The following DNAH17 variants were observed in gnomAD, a reference collection of about 807,000 sequenced individuals.
The protein encoded by DNAH17 is axonemal beta dynein heavy chain 17.
In DNAH17, 376 loss-of-function variants were observed where a neutral mutation model predicts 485.6. That is an observed-to-expected ratio of 0.77 (90% CI 0.71 to 0.84). DNAH17 has a LOEUF of 0.84. Among genes scored for constraint, DNAH17 ranks in the 40% least tolerant of loss-of-function variants. The pLI is 0.00. For synonymous variants in DNAH17, 3,031 were observed against 2,405.9 expected (o/e 1.26, Z -7.60); for missense variants, 6,370 against 5,839.3 (o/e 1.09, Z -2.96).
At chr17:78,476,393 C>A (rs575524989) in intron 52 of DNAH17, among the ~76,000 whole-genome samples, 179 bp downstream of exon 52, 2 of 151,682 alleles carry the variant, frequency 1.3e-5, no homozygotes, top group Non-Finnish European at 2.9e-5. Flanking sequence ...CCGGAGTTAT[C>A]GCGTGGAACC....
chr17:78,445,843 G>A (rs1050958466), intron 69 of DNAH17, among the ~76,000 whole-genome samples, 163 bp from the exon 70 acceptor site: 49 of 152,116 alleles, frequency 3.2e-4, no homozygotes, highest in Admixed American at 2.6e-4. Flanking sequence ...ACCTCGTCTC[G>A]CTTTTTAAGT....
chr17:78,439,600 G>C (rs1304986654), intron 72 of DNAH17, among the ~76,000 whole-genome samples: 1 of 151,732 alleles, frequency 6.6e-6, no homozygotes, highest in African/African-American at 2.4e-5. Context: ...CTTTGTGTCT[G>C]GCTTCTGTCA....
At chr17:78,485,496 CG>C in intron 47 of DNAH17, 53 bp downstream of exon 47, 1 of 1,508,244 alleles carries the variant, frequency 6.6e-7, no homozygotes, top group Admixed American at 2.0e-5. Flanking sequence ...CAGGAGGGAA[CG>C]GGGACTGGCG....
intron 75 of DNAH17, among the ~76,000 whole-genome samples, chr17:78,432,977 C>T (rs535872340): frequency 1.2e-4 from 18 of 151,502 alleles, no homozygotes; most frequent in African/African-American, 4.4e-4. Flanking sequence ...CCTCCAACCC[C>T]GAGGCCCCAC....
chr17:78,506,870 G>C (rs765873534), intron 29 of DNAH17, 24 bp from the exon 30 acceptor site: 9 of 1,613,742 alleles, frequency 5.6e-6, no homozygotes, highest in Non-Finnish European at 6.8e-6. Context: ...AGGAAGTAGA[G>C]GAGGCCGGTG....
chr17:78,526,915 C>G lies in DNAH17; in HGVS notation c.3589G>C (p.Val1197Leu), dbSNP rs574511195. ...LTVAPLQANE[V>L]SILRRKCQQF... ...TGGCATTTCCGCCGCAGGATGCTGACCTCGTTGGCCTGGAGTGGTGCCACG... is the reference window on the plus strand; with the variant it reads ...TGGCATTTCCGCCGCAGGATGCTGAGCTCGTTGGCCTGGAGTGGTGCCACG... The change falls in exon 23 of 81, where the codon GTC (valine) becomes CTC (leucine). Residue 1197 changes from valine to leucine, a missense_variant. By Grantham distance (32) the Val-to-Leu change is conservative. Coordinates refer to ENST00000389840, the MANE Select transcript of DNAH17 (RefSeq NM_173628.4). 3 of 1,583,348 alleles carry G rather than the reference C, an allele frequency of 1.9e-6. No homozygotes were observed. The highest frequency in any genetic ancestry group is 2.6e-6 in the Non-Finnish European group (3 of 1,164,482).
rs780216770 is a variant in DNAH17 at position 78,539,757 on chromosome 17, T to C, written c.2656A>G (p.Met886Val). The change falls in exon 18 of 81, where the codon ATG becomes GTG. Residue 886 changes from methionine (M) to valine (V), a missense_variant. Physicochemically the swap from Met to Val is conservative, Grantham distance 21. Coordinates refer to ENST00000389840, the MANE Select transcript of DNAH17 (RefSeq NM_173628.4). ...CTTACATCTATAACCATGTTGTCCA[T>C]TAGGAAACTCAGAGATTTGCGAATG... The part of the protein sequence containing the change: ...QFIRKSLSFL[M>V]DNMVIDESIA... 6 of 1,611,464 alleles carry C rather than the reference T, an allele frequency of 3.7e-6. No individual in the cohort carries two copies. Among genetic ancestry groups the C allele is most frequent in the South Asian group, 2.2e-5 (2 of 90,782 alleles).
Position 78,486,218 on chromosome 17 carries a change from C to A in DNAH17, c.7101+6G>T. The A allele has an allele frequency of 6.3e-7, 1 of 1,587,050 alleles. No homozygotes were observed. The highest frequency in any genetic ancestry group is 8.6e-7 in the Non-Finnish European group (1 of 1,164,648). ...TGTGGGTGGCCGGGCCCCCCAGGTG[C>A]ATCACCTGGTCCTGGAACATGGCGC... On this transcript the variant is annotated splice_donor_region_variant and intron_variant, in intron 45 of 80. Transcript: ENST00000389840.
At chr17:78,443,916 AG>A (rs2087171321) in intron 71 of DNAH17, among the ~76,000 whole-genome samples, 1 of 152,150 alleles carries the variant, frequency 6.6e-6, no homozygotes, top group African/African-American at 2.4e-5. Context: ...AGAAATGAAA[AG>A]GGGAGAAGCC....
chr17:78,444,089 T>C (rs1308744966), intron 71 of DNAH17, among the ~76,000 whole-genome samples: 1 of 152,186 alleles, frequency 6.6e-6, no homozygotes, highest in Non-Finnish European at 1.5e-5. Flanking sequence ...GCCATACTAA[T>C]ATACCTCGAT....
chr17:78,483,368 G>A lies in DNAH17; in HGVS notation c.7649+1500C>T, dbSNP rs1352689447. Among the ~76,000 whole-genome samples the A allele has an allele frequency of 5.3e-5, 8 of 152,312 alleles. No individual in the cohort carries two copies. In the East Asian group the frequency reaches 5.8e-4, roughly 11 times the overall value. On this transcript the variant is annotated intron_variant, in intron 48 of 80. Transcript: ENST00000389840. ...GTTCTGGCTGAGCGTGGTGGCTCAC[G>A]CCTGTAGTCCCAGCACTTTGGGAGC...
intron 17 of DNAH17, among the ~76,000 whole-genome samples, chr17:78,542,313 A>G (rs1392979704): frequency 1.3e-5 from 2 of 151,888 alleles, no homozygotes; most frequent in Non-Finnish European, 2.9e-5. Context: ...ATACCTGGCT[A>G]ATTTTTGTAT....
At chr17:78,563,324 G>A (rs1458964645) in intron 11 of DNAH17, among the ~76,000 whole-genome samples, 11 of 152,046 alleles carry the variant, frequency 7.2e-5, no homozygotes, top group Non-Finnish European at 1.0e-4. Context: ...GCCAGCTACC[G>A]CCTTCCTCCA....
intron 40 of DNAH17, 48 bp downstream of exon 40, chr17:78,494,545 C>CA: frequency 6.3e-7 from 1 of 1,581,522 alleles, no homozygotes; most frequent in Non-Finnish European, 8.7e-7. Flanking sequence ...AAGGAAGCCC[C>CA]AGCCAGGCAG....
chr17:78,433,939 A>AGGAGGGAGGGAAGGAGGGAGGGAC (rs1387307141), intron 75 of DNAH17, 90 bp downstream of exon 75: 14 of 913,638 alleles, frequency 1.5e-5, no homozygotes, highest in East Asian at 2.7e-5. Flanking sequence ...GAGGGAGGGA[A>AGGAGGGAGGGAAGGAGGGAGGGAC]GGAGGGAGGG....
chr17:78,476,831 GC>G, intron 51 of DNAH17, 98 bp from the exon 52 acceptor site: 2 of 1,412,264 alleles, frequency 1.4e-6, no homozygotes, highest in Non-Finnish European at 1.9e-6. Context: ...CTCCCCCGGG[GC>G]GAGGGGACCT....
At chr17:78,537,778 C>T (rs775159267) in intron 18 of DNAH17, among the ~76,000 whole-genome samples, 45 of 152,188 alleles carry the variant, frequency 3.0e-4, no homozygotes, top group Non-Finnish European at 5.6e-4. Context: ...AGCTCTGAGG[C>T]CTTGGGGAGT....
At chr17:78,539,050 G>C (rs1433844945) in intron 18 of DNAH17, among the ~76,000 whole-genome samples, 1 of 152,076 alleles carries the variant, frequency 6.6e-6, no homozygotes, top group Non-Finnish European at 1.5e-5. Context: ...GGCTAAGATG[G>C]TGAACCCTTG....
chr17:78,446,503 T>C (rs977237260), intron 69 of DNAH17, among the ~76,000 whole-genome samples: 2 of 152,210 alleles, frequency 1.3e-5, no homozygotes, highest in Non-Finnish European at 2.9e-5. Context: ...AGAACCTCCT[T>C]CCTCTGTAAG....
Sources: allele counts gnomAD v4.1 joint callset (sites outside exome capture counted in the v4.1 genomes callset), GRCh38; gene constraint gnomAD v4.1.1; transcripts MANE v1.5; gene names NCBI Gene and HGNC (gene_info 2026-07-23, HGNC 2026-07-21).